The following ZNF33B variants were observed in gnomAD, a reference collection of about 807,000 sequenced individuals.
ZNF33B encodes zinc finger protein 33B, also known as zinc finger protein 11b (KOX 2).
A neutral mutation model predicts 45.8 loss-of-function variants in ZNF33B; 29 were observed. The observed-to-expected ratio is 0.63, with a 90% confidence interval of 0.47 to 0.86. ZNF33B has a LOEUF of 0.86. Ranked by LOEUF, ZNF33B falls within the 40% of genes least tolerant of loss-of-function variation. ZNF33B has a pLI of 0.00. For synonymous variants in ZNF33B, 305 were observed against 307.8 expected, an observed-to-expected ratio of 0.99 and a Z score of 0.10; for missense variants, 831 against 909.9, an observed-to-expected ratio of 0.91 and a Z score of 1.12.
chr10:42,587,832 T>C (rs1564490120), downstream of ZNF33B, among the ~76,000 whole-genome samples: 2 of 152,124 alleles, frequency 1.3e-5, no homozygotes, highest in African/African-American at 4.8e-5. Context: ...ACCTGGACCA[T>C]GGGCCACCAT....
At chr10:42,606,982 C>T (rs1589041669) in intron 4 of ZNF33B, among the ~76,000 whole-genome samples, 2 of 152,284 alleles carry the variant, frequency 1.3e-5, no homozygotes, top group Non-Finnish European at 2.9e-5. Context: ...AATGCTCCAA[C>T]AAGCATTTCC....
chr10:42,638,347 G>A (rs367906782), intron 1 of ZNF33B, 127 bp downstream of exon 1: 35 of 310,350 alleles, frequency 1.1e-4, no homozygotes, highest in African/African-American at 6.4e-4. Context: ...CTGCAGCCCC[G>A]CCGTCCCCGG....
At position 42,591,309 on chromosome 10, in the gene ZNF33B, A is replaced by G; in HGVS notation, c.*1304T>C. The G allele has an allele frequency of 1.2e-6, 1 of 810,598 alleles. No homozygotes were observed. The highest frequency in any genetic ancestry group is 1.5e-6 in the Non-Finnish European group (1 of 671,038). The allele number at this position is 810,598 out of a possible 1,614,324, so 50.2% of individuals were successfully genotyped here. ...AAATTTGGACTATCACTTACGCTGA[A>G]GGCTGGAGTGTTCACATATGTACCC... On this transcript the variant is annotated 3_prime_UTR_variant, in exon 5 of 5. Transcript: ENST00000359467.
At chr10:42,629,372 C>G (rs1201399277) in intron 4 of ZNF33B, among the ~76,000 whole-genome samples, 1 of 151,996 alleles carries the variant, frequency 6.6e-6, no homozygotes, top group Admixed American at 6.6e-5. Context: ...TGAATAAGAC[C>G]TAATATTTGC....
At chr10:42,612,437 C>T (rs1261997063) in intron 4 of ZNF33B, among the ~76,000 whole-genome samples, 1 of 151,926 alleles carries the variant, frequency 6.6e-6, no homozygotes, top group African/African-American at 2.4e-5. Flanking sequence ...GGTTTTACCA[C>T]GTTGGCCAGG....
Position 42,590,064 on chromosome 10 carries a change from T to C in ZNF33B, c.*2549A>G, listed in dbSNP as rs528600286. 8 of 152,350 alleles carry C rather than the reference T, an allele frequency of 5.3e-5. 2 individuals carry two copies. The highest frequency in any genetic ancestry group is 1.7e-4 in the African/African-American group (7 of 41,594). 9.4% of individuals were successfully genotyped at this position (152,350 alleles called of 1,614,324 possible). ...TATTGATATGATCATATTTAATCTT[T>C]GAACTGCTAATGCATGCAATGGATT... On this transcript the variant is annotated 3_prime_UTR_variant, in exon 5 of 5. Coordinates refer to ENST00000359467, the MANE Select transcript of ZNF33B (RefSeq NM_006955.3).
At chr10:42,600,344 T>G (rs1837568047) in intron 4 of ZNF33B, among the ~76,000 whole-genome samples, 2 of 152,172 alleles carry the variant, frequency 1.3e-5, no homozygotes, top group East Asian at 3.8e-4. Context: ...ATCTATCAGA[T>G]TTTGCTTCAA....
Position 42,580,118 on chromosome 10 carries a change from T to C in ZNF33B, c.74-5440A>G, listed in dbSNP as rs535721167. 1.3e-4 allele frequency among the ~76,000 whole-genome samples: 20 copies of C among 152,334 alleles called. No individual in the cohort carries two copies. The East Asian group carries it at 3.5e-3, about 26-fold the overall frequency. ...ATAGGTAATATGGTCACCATGATCATGATAAGTTGTCATTGATACCTGGCA... is the reference window on the plus strand; with the variant it reads ...ATAGGTAATATGGTCACCATGATCACGATAAGTTGTCATTGATACCTGGCA... On this transcript the variant is annotated intron_variant, in intron 1 of 1. Coordinates refer to the ZNF33B transcript ENST00000462075.
chr10:42,577,523 C>A (rs1836765707), intron 1 of ZNF33B, among the ~76,000 whole-genome samples: 1 of 152,216 alleles, frequency 6.6e-6, no homozygotes, highest in South Asian at 2.1e-4. Flanking sequence ...TTTAGTGAAT[C>A]TCTCTAACCC....
downstream of ZNF33B, among the ~76,000 whole-genome samples, chr10:42,585,978 G>T (rs1162446014): frequency 6.6e-6 from 1 of 152,096 alleles, no homozygotes. Context: ...GTGAACCTGT[G>T]GGACCAGAGT....
In ZNF33B at chr10:42,590,547, G is replaced by T. The variant is rs1054742321; in HGVS notation, c.*2066C>A. The T allele has an allele frequency of 1.1e-4, 16 of 152,046 alleles. No individual in the cohort carries two copies. Among genetic ancestry groups the T allele is most frequent in the African/African-American group, 3.6e-4 (15 of 41,402 alleles). The allele number at this position is 152,046 out of a possible 1,614,324, so 9.4% of individuals were successfully genotyped here. ...CTATACACGCATGCCACCACGCCCGGCTAACTTTTTGTATTTTTAGCCACC... is the reference window on the plus strand; with the variant it reads ...CTATACACGCATGCCACCACGCCCGTCTAACTTTTTGTATTTTTAGCCACC... On this transcript the variant is annotated 3_prime_UTR_variant, in exon 5 of 5. Transcript: ENST00000359467.
chr10:42,614,796 A>T lies in ZNF33B; in HGVS notation c.250+17133T>A, dbSNP rs187283073. Among the ~76,000 whole-genome samples, 261 of 152,204 alleles carry T rather than the reference A, an allele frequency of 1.7e-3. 1 individual carries two copies. Among genetic ancestry groups the T allele is most frequent in the African/African-American group, 5.9e-3 (246 of 41,532 alleles). On this transcript the variant is annotated intron_variant, in intron 4 of 4. Coordinates refer to ENST00000359467, the MANE Select transcript of ZNF33B (RefSeq NM_006955.3). ...TGGTGAAACCCCATCTCCACAAAAA[A>T]TACAAAAATTAGCCAGGCGTGGTGG... is the stretch of plus-strand genomic sequence containing the variant.
Position 42,632,451 on chromosome 10 carries a change from A to G in ZNF33B, c.10-12T>C, listed in dbSNP as rs958042664. The G allele has an allele frequency of 1.9e-6, 3 of 1,609,504 alleles. No individual in the cohort carries two copies. Among genetic ancestry groups the G allele is most frequent in the Non-Finnish European group, 1.7e-6 (2 of 1,179,126 alleles). ...AACTTCTGATCTACCTGAAATGTTCAGAATTAGGTGGCATGAAAAAAGAAG... is the reference window on the plus strand; with the variant it reads ...AACTTCTGATCTACCTGAAATGTTCGGAATTAGGTGGCATGAAAAAAGAAG... On this transcript the variant is annotated splice_polypyrimidine_tract_variant and intron_variant, in intron 2 of 4. Coordinates refer to ENST00000359467, the MANE Select transcript of ZNF33B (RefSeq NM_006955.3).
At chr10:42,610,929 T>C (rs1203561675) in intron 4 of ZNF33B, among the ~76,000 whole-genome samples, 2 of 152,210 alleles carry the variant, frequency 1.3e-5, no homozygotes, top group Admixed American at 6.5e-5. Flanking sequence ...ATAATCAAGA[T>C]GGCATGATAG....
intron 4 of ZNF33B, among the ~76,000 whole-genome samples, chr10:42,616,746 A>G (rs1283740730): frequency 6.6e-6 from 1 of 152,044 alleles, no homozygotes; most frequent in Non-Finnish European, 1.5e-5. Context: ...GCCAGGCTGG[A>G]GTGTCGTGGC....
At chr10:42,616,015 G>C (rs1270846436) in intron 4 of ZNF33B, among the ~76,000 whole-genome samples, 1 of 152,044 alleles carries the variant, frequency 6.6e-6, no homozygotes, top group Admixed American at 6.6e-5. Context: ...CTGAGGTCAG[G>C]AGTTTTGAGA....
Position 42,634,723 on chromosome 10 carries a change from T to G in ZNF33B, c.9+2197A>C, listed in dbSNP as rs370431369. Among the ~76,000 whole-genome samples, 35 of 152,300 alleles carry G rather than the reference T, an allele frequency of 2.3e-4. 1 individual carries two copies. The highest frequency in any genetic ancestry group is 8.4e-4 in the African/African-American group (35 of 41,558). ...TTTTCAAAAATAATTCTACACTAAC[T>G]GTATGAAAAACAGGAATCTGACATC... On this transcript the variant is annotated intron_variant, in intron 2 of 4. Transcript: ENST00000359467.
At chr10:42,600,789 T>C (rs114563958) in intron 4 of ZNF33B, among the ~76,000 whole-genome samples, 2,553 of 152,338 alleles carry the variant, frequency 0.017, 76 homozygotes, top group African/African-American at 0.058. Context: ...GATTGTCATG[T>C]ATTTTCAATA....
intron 4 of ZNF33B, among the ~76,000 whole-genome samples, chr10:42,601,693 G>T (rs1837630225): frequency 1.3e-5 from 2 of 151,636 alleles, no homozygotes; most frequent in African/African-American, 4.8e-5. Flanking sequence ...AAGATAGTCT[G>T]GATCCCTTGA....
Sources: gnomAD v4.1 joint callset for allele counts (sites outside exome capture counted in the v4.1 genomes callset) on GRCh38, gnomAD v4.1.1 for gene constraint, MANE v1.5 for transcripts, NCBI Gene and HGNC (gene_info 2026-07-23, HGNC 2026-07-21) for gene names.